The following ATL1 variants were observed in gnomAD, a reference collection of about 807,000 sequenced individuals.
The protein encoded by ATL1 is atlastin-1.
In ATL1, 31 loss-of-function variants were observed where a neutral mutation model predicts 75.5. That is an observed-to-expected ratio of 0.41 (90% confidence interval 0.31 to 0.55). The LOEUF (loss-of-function observed/expected upper bound fraction) is 0.55, where lower values mean the gene tolerates loss of function less well. Ranked by LOEUF, ATL1 falls within the 20% of genes least tolerant of loss-of-function variation. ATL1 has a pLI of 0.27. For synonymous variants in ATL1, 226 were observed against 233.3 expected (o/e 0.97, Z 0.28); for missense variants, 405 against 662.6 (o/e 0.61, Z 4.27).
chr14:50,591,669 T>C lies in ATL1; in HGVS notation c.522+30T>C, dbSNP rs1362642202. The C allele has an allele frequency of 2.7e-6, 4 of 1,490,060 alleles. No individual in the cohort carries two copies. The African/African-American group carries it at 5.5e-5, about 21-fold the overall frequency. 92.3% of individuals were successfully genotyped at this position (1,490,060 alleles called of 1,614,324 possible). ...GAAATAAGCCCATTTTGATGATGTT[T>C]CTTTAACTAAAAATTATGAGTATAT... On this transcript the variant is annotated intron_variant, in intron 4 of 13. Coordinates refer to ENST00000358385, the MANE Select transcript of ATL1 (RefSeq NM_015915.5).
chr14:50,623,377 T>A, intron 11 of ATL1, 129 bp downstream of exon 11: 1 of 679,980 alleles, frequency 1.5e-6, no homozygotes, highest in South Asian at 1.6e-5. Context: ...TTCCTCAGCC[T>A]GTATCACGTC....
At chr14:50,614,714 T>G (rs2039398491) in intron 8 of ATL1, among the ~76,000 whole-genome samples, 1 of 152,168 alleles carries the variant, frequency 6.6e-6, no homozygotes, top group Admixed American at 6.5e-5. Flanking sequence ...ATGTATACAC[T>G]GCCTGCAAAA....
At chr14:50,608,508 C>G (rs989739217) in intron 6 of ATL1, among the ~76,000 whole-genome samples, 1 of 151,940 alleles carries the variant, frequency 6.6e-6, no homozygotes, top group Non-Finnish European at 1.5e-5. Flanking sequence ...AGTTTATCAG[C>G]ACATCACTGG....
chr14:50,581,321 A>G (rs570352631), intron 1 of ATL1, among the ~76,000 whole-genome samples: 11 of 151,996 alleles, frequency 7.2e-5, no homozygotes, highest in Non-Finnish European at 1.5e-4. Context: ...AAATATTTCA[A>G]TATAAATAAG....
chr14:50,607,002 C>T (rs1055801100), intron 6 of ATL1, among the ~76,000 whole-genome samples: 5 of 151,842 alleles, frequency 3.3e-5, no homozygotes, highest in Non-Finnish European at 5.9e-5. Flanking sequence ...GACTAATGAC[C>T]CTATATAAAG....
rs1253430913 is a variant in ATL1, at chr14:50,602,508, TTTACTAAAGTGTA to T, written c.630+6880_630+6892del. ...TATGAAGAAATAGAAACATTCCCCA[TTTACTAAAGTGTA>T]TTATAGTCTCAAGATTCACTTGAGT... is the stretch of plus-strand genomic sequence containing the variant. On this transcript the variant is annotated intron_variant, in intron 6 of 13. Coordinates refer to ENST00000358385, the MANE Select transcript of ATL1 (RefSeq NM_015915.5). 2.0e-5 allele frequency among the ~76,000 whole-genome samples: 3 copies of T among 152,118 alleles called. No homozygotes were observed. In the East Asian group the frequency reaches 5.8e-4, roughly 29 times the overall value.
intron 1 of ATL1, among the ~76,000 whole-genome samples, chr14:50,569,738 T>A (rs1204745837): frequency 6.6e-6 from 1 of 152,172 alleles, no homozygotes; most frequent in Non-Finnish European, 1.5e-5. Context: ...GCAGGTCTAG[T>A]GGTAACAAAC....
In ATL1 at chr14:50,593,882, C is replaced by T. The variant is rs1475808988; in HGVS notation, c.559C>T (p.Leu187Phe). ...NLSQNVQEDD[L>F]QHLQLFTEYG... ...ATCCCAAAATGTCCAGGAGGATGATCTTCAGCACCTCCAGGTAACAATATT... is the reference window on the plus strand; with the variant it reads ...ATCCCAAAATGTCCAGGAGGATGATTTTCAGCACCTCCAGGTAACAATATT... Residue 187 changes from leucine to phenylalanine, a missense_variant, in exon 5 of 14, where the codon CTT becomes TTT. Leu to Phe is a conservative substitution (Grantham distance 22). Coordinates refer to ENST00000358385, the MANE Select transcript of ATL1 (RefSeq NM_015915.5). 6.2e-7 allele frequency: 1 copy of T among 1,606,826 alleles called. No individual in the cohort carries two copies. Among genetic ancestry groups the T allele is most frequent in the Non-Finnish European group, 8.5e-7 (1 of 1,173,796 alleles).
chr14:50,561,079 AG>A (rs1436288508), intron 1 of ATL1: 2 of 152,312 alleles, frequency 1.3e-5, no homozygotes, highest in African/African-American at 4.8e-5. Flanking sequence ...CACCAGGCCG[AG>A]GGGAGGGGAA....
chr14:50,542,975 G>A (rs2038585404), intron 1 of ATL1, among the ~76,000 whole-genome samples: 1 of 152,206 alleles, frequency 6.6e-6, no homozygotes, highest in Non-Finnish European at 1.5e-5. Context: ...TTGAGATAAG[G>A]AAGTCAGTGG....
intron 1 of ATL1, among the ~76,000 whole-genome samples, chr14:50,567,720 T>C (rs1056417332): frequency 1.3e-5 from 2 of 152,240 alleles, no homozygotes; most frequent in Non-Finnish European, 2.9e-5. Context: ...TTATGATTTC[T>C]CTTGTGATTT....
chr14:50,599,381 A>G (rs892102902), intron 6 of ATL1, among the ~76,000 whole-genome samples: 2 of 152,238 alleles, frequency 1.3e-5, no homozygotes, highest in African/African-American at 4.8e-5. Context: ...CTTTACACTC[A>G]TTAAATAGGC....
chr14:50,606,386 C>G (rs2039317419), intron 6 of ATL1, among the ~76,000 whole-genome samples: 2 of 151,852 alleles, frequency 1.3e-5, no homozygotes, highest in Admixed American at 1.3e-4. Flanking sequence ...CCAGGAGGAG[C>G]TTGCAGTTTT....
chr14:50,548,723 G>A (rs1256173892), intron 1 of ATL1, among the ~76,000 whole-genome samples: 1 of 152,030 alleles, frequency 6.6e-6, no homozygotes, highest in Non-Finnish European at 1.5e-5. Flanking sequence ...TGTTAGCCAG[G>A]ATGGTCTCGA....
At chr14:50,577,436 G>A (rs1056489268) in intron 1 of ATL1, among the ~76,000 whole-genome samples, 3 of 152,066 alleles carry the variant, frequency 2.0e-5, no homozygotes, top group Non-Finnish European at 4.4e-5. Flanking sequence ...TAGTTTTTCG[G>A]TTTTGTTATT....
intron 6 of ATL1, among the ~76,000 whole-genome samples, chr14:50,612,487 T>C (rs1469558168): frequency 1.3e-5 from 2 of 152,202 alleles, no homozygotes; most frequent in Non-Finnish European, 2.9e-5. Flanking sequence ...TTCAAGTGAA[T>C]TTATTAGAAC....
rs773209459 is a variant in ATL1, at chr14:50,628,472, C to T, written c.1551+10C>T. The T allele has an allele frequency of 1.9e-6, 3 of 1,613,148 alleles. No individual in the cohort carries two copies. Among genetic ancestry groups the T allele is most frequent in the African/African-American group, 1.3e-5 (1 of 74,992 alleles). On this transcript the variant is annotated intron_variant, in intron 12 of 13. Coordinates refer to ENST00000358385, the MANE Select transcript of ATL1 (RefSeq NM_015915.5). ...AGCTCTGTGGGACCAGGTAAGAACA[C>T]CTTTAATTCACAACTAAATTCAGCA...
At chr14:50,574,405 A>G in intron 1 of ATL1, among the ~76,000 whole-genome samples, 1 of 152,218 alleles carries the variant, frequency 6.6e-6, no homozygotes, top group East Asian at 1.9e-4. Flanking sequence ...GTAGTGCTGT[A>G]GTTTCAGTCT....
chr14:50,553,154 T>A (rs1190788010), intron 1 of ATL1, among the ~76,000 whole-genome samples: 1 of 150,766 alleles, frequency 6.6e-6, no homozygotes, highest in South Asian at 2.1e-4. Flanking sequence ...AAAATAGCCA[T>A]GCATGGTGGT....
Sources: allele counts gnomAD v4.1 joint callset (sites outside exome capture counted in the v4.1 genomes callset), GRCh38; gene constraint gnomAD v4.1.1; transcripts MANE v1.5; gene names NCBI Gene and HGNC (gene_info 2026-07-23, HGNC 2026-07-21).